The following PRKCE variants were observed in gnomAD, a reference collection of about 807,000 sequenced individuals.
PRKCE encodes the protein protein kinase C epsilon type.
In PRKCE, 16 loss-of-function variants were observed where a neutral mutation model predicts 85.4. The ratio of observed to expected loss-of-function variants is 0.19; its 90% confidence interval spans 0.13 to 0.28. PRKCE has a LOEUF of 0.28. PRKCE is among the 10% of genes least tolerant of loss of function. PRKCE has a pLI of 1.00. For synonymous variants in PRKCE, 388 were observed against 371.5 expected, an observed-to-expected ratio of 1.04 and a Z score of -0.51; for missense variants, 573 against 975.2, an observed-to-expected ratio of 0.59 and a Z score of 5.49.
intron 1 of PRKCE, among the ~76,000 whole-genome samples, chr2:45,666,691 G>C (rs1024955537): frequency 2.6e-5 from 4 of 151,902 alleles, no homozygotes; most frequent in African/African-American, 9.7e-5. Context: ...TGTGCCCTCC[G>C]TTTAAAATTA....
chr2:45,772,032 T>A (rs1685379307), intron 1 of PRKCE, among the ~76,000 whole-genome samples: 1 of 152,130 alleles, frequency 6.6e-6, no homozygotes, highest in Non-Finnish European at 1.5e-5. Context: ...TCTCAGTGGC[T>A]CTTGGAGATG....
intron 2 of PRKCE, among the ~76,000 whole-genome samples, chr2:45,917,033 A>G (rs191861478): frequency 8.8e-4 from 134 of 152,248 alleles, no homozygotes; most frequent in Non-Finnish European, 1.5e-3. Flanking sequence ...AACCTTCCAC[A>G]GTGTGGAAGG....
chr2:45,930,360 T>G (rs191211963), intron 2 of PRKCE, among the ~76,000 whole-genome samples: 1 of 152,322 alleles, frequency 6.6e-6, no homozygotes, highest in Admixed American at 6.5e-5. Flanking sequence ...TTCAGAAAAC[T>G]TGACCAAAAT....
intron 1 of PRKCE, among the ~76,000 whole-genome samples, chr2:45,776,470 T>C (rs920647256): frequency 6.6e-6 from 1 of 152,204 alleles, no homozygotes; most frequent in African/African-American, 2.4e-5. Context: ...AAGGTAGATT[T>C]TTTTAGGGTG....
chr2:46,046,033 C>T (rs1708502483), intron 10 of PRKCE, among the ~76,000 whole-genome samples: 1 of 152,148 alleles, frequency 6.6e-6, no homozygotes, highest in Non-Finnish European at 1.5e-5. Context: ...GGAAGGAGGC[C>T]TGAGTCACAG....
intron 1 of PRKCE, among the ~76,000 whole-genome samples, chr2:45,771,699 G>A (rs1240478697): frequency 7.5e-6 from 1 of 133,816 alleles, no homozygotes; most frequent in Non-Finnish European, 1.6e-5. Context: ...CTACAGAGTG[G>A]GGCGTGTGTG....
chr2:46,176,545 G>A (rs1423766996), intron 14 of PRKCE, among the ~76,000 whole-genome samples: 5 of 152,190 alleles, frequency 3.3e-5, no homozygotes, highest in African/African-American at 4.8e-5. Flanking sequence ...AATTCTTAAT[G>A]AGAAGATAGT....
intron 14 of PRKCE, among the ~76,000 whole-genome samples, chr2:46,180,700 A>C (rs1449927037): frequency 6.6e-6 from 1 of 152,228 alleles, no homozygotes; most frequent in East Asian, 1.9e-4. Context: ...TCTGTATGCC[A>C]GGTTCTGCAG....
At chr2:45,702,909 C>T (rs951872410) in intron 1 of PRKCE, among the ~76,000 whole-genome samples, 2 of 152,176 alleles carry the variant, frequency 1.3e-5, no homozygotes, top group Non-Finnish European at 2.9e-5. Context: ...AGTCATTCCA[C>T]AGAAAGACTT....
At chr2:45,677,420 A>T (rs1352836945) in intron 1 of PRKCE, among the ~76,000 whole-genome samples, 1 of 144,350 alleles carries the variant, frequency 6.9e-6, no homozygotes, top group East Asian at 2.0e-4. Context: ...GCAGTGGCGC[A>T]ATCTCAGCTC....
chr2:46,172,307 T>C (rs1678990381), intron 14 of PRKCE, among the ~76,000 whole-genome samples: 1 of 152,294 alleles, frequency 6.6e-6, no homozygotes, highest in African/African-American at 2.4e-5. Context: ...AGGCCATTCC[T>C]CAATCCCAGA....
At chr2:45,933,864 A>G (rs1267616530) in intron 2 of PRKCE, among the ~76,000 whole-genome samples, 4 of 152,198 alleles carry the variant, frequency 2.6e-5, no homozygotes, top group Admixed American at 2.6e-4. Flanking sequence ...GCAGCACTGT[A>G]GTAAAATCAT....
At chr2:46,154,841 A>G (rs957569122) in intron 13 of PRKCE, among the ~76,000 whole-genome samples, 1 of 150,150 alleles carries the variant, frequency 6.7e-6, no homozygotes, top group African/African-American at 2.5e-5. Flanking sequence ...CCCACTATAT[A>G]TATTATGTAT....
intron 11 of PRKCE, among the ~76,000 whole-genome samples, chr2:46,116,659 A>G (rs1672798795): frequency 6.6e-6 from 1 of 152,094 alleles, no homozygotes; most frequent in South Asian, 2.1e-4. Flanking sequence ...TGGTTTATAC[A>G]TCTGTCCCCA....
At chr2:45,863,090 A>T (rs1330356808) in intron 2 of PRKCE, among the ~76,000 whole-genome samples, 2 of 152,110 alleles carry the variant, frequency 1.3e-5, no homozygotes, top group African/African-American at 2.4e-5. Flanking sequence ...GGGAAGCTGA[A>T]CCCACAGTTT....
At chr2:45,911,672 G>C (rs145236887) in intron 2 of PRKCE, among the ~76,000 whole-genome samples, 201 of 152,270 alleles carry the variant, frequency 1.3e-3, no homozygotes, top group African/African-American at 4.6e-3. Flanking sequence ...AACTGAGTTG[G>C]TCATGTTACC....
chr2:45,745,384 C>T (rs116402421), intron 1 of PRKCE, among the ~76,000 whole-genome samples: 1,993 of 152,192 alleles, frequency 0.013, 43 homozygotes, highest in African/African-American at 0.046. Flanking sequence ...GGCTTCTTTC[C>T]CTATCTGCTC....
At chr2:46,046,559 G>A (rs1011241329) in intron 10 of PRKCE, among the ~76,000 whole-genome samples, 1 of 152,194 alleles carries the variant, frequency 6.6e-6, no homozygotes, top group Non-Finnish European at 1.5e-5. Flanking sequence ...ACGTCACATT[G>A]AAAAATGGAA....
chr2:45,841,825 A>T (rs1691376388), intron 1 of PRKCE, among the ~76,000 whole-genome samples: 1 of 152,224 alleles, frequency 6.6e-6, no homozygotes, highest in African/African-American at 2.4e-5. Context: ...TTGAAGGAGG[A>T]GGAGATATCC....
Sources: gnomAD v4.1 joint callset for allele counts (sites outside exome capture counted in the v4.1 genomes callset) on GRCh38, gnomAD v4.1.1 for gene constraint, MANE v1.5 for transcripts, NCBI Gene and HGNC (gene_info 2026-07-23, HGNC 2026-07-21) for gene names.